The following DOCK2 variants were observed in gnomAD, a reference collection of about 807,000 sequenced individuals.
The protein encoded by DOCK2 is dedicator of cytokinesis protein 2.
DOCK2 carries 87 observed loss-of-function variants against 248.9 expected under a neutral mutation model. The ratio of observed to expected loss-of-function variants is 0.35; its 90% confidence interval spans 0.29 to 0.42. DOCK2 has a LOEUF of 0.42. Ranked by LOEUF, DOCK2 falls within the 10% of genes least tolerant of loss-of-function variation. The pLI, the probability that DOCK2 is intolerant of heterozygous loss-of-function variation, is 1.00. For synonymous variants in DOCK2, 805 were observed against 821.6 expected (o/e 0.98, Z 0.35); for missense variants, 1,747 against 2,300.2 (o/e 0.76, Z 4.92).
At chr5:169,927,093 G>A (rs891260807) in intron 27 of DOCK2, among the ~76,000 whole-genome samples, 2 of 152,216 alleles carry the variant, frequency 1.3e-5, no homozygotes, top group Non-Finnish European at 2.9e-5. Flanking sequence ...TACATGAAGA[G>A]TGGGAAGAGC....
intron 26 of DOCK2, among the ~76,000 whole-genome samples, chr5:169,837,049 C>T (rs529782193): frequency 1.9e-4 from 29 of 152,230 alleles, no homozygotes; most frequent in Non-Finnish European, 2.8e-4. Context: ...CCCTTAGCCC[C>T]GACCCTGCCT....
At chr5:169,934,477 G>A (rs185425005) in intron 27 of DOCK2, among the ~76,000 whole-genome samples, 1 of 152,282 alleles carries the variant, frequency 6.6e-6, no homozygotes, top group East Asian at 1.9e-4. Context: ...GTAGTAAGAG[G>A]TGCATGCACA....
At chr5:169,940,159 T>G (rs2113703556) in intron 27 of DOCK2, among the ~76,000 whole-genome samples, 1 of 152,314 alleles carries the variant, frequency 6.6e-6, no homozygotes, top group South Asian at 2.1e-4. Flanking sequence ...TTTCTGTGTG[T>G]GTATTCTACA....
At chr5:169,997,971 T>A in intron 30 of DOCK2, 1 of 456,356 alleles carries the variant, frequency 2.2e-6, no homozygotes, top group Non-Finnish European at 4.4e-6. Flanking sequence ...TTCTACTTCA[T>A]AGGGTTTTTC....
In DOCK2 at chr5:169,654,504, G is replaced by A. The variant is rs776439216; in HGVS notation, c.127+18G>A. The stretch of plus-strand genomic sequence containing the variant: ...GTGTGGAGGTGAGTCACTGGCCCAC[G>A]CCCCAAGTGCTGGACCCTTGGCTGA... On this transcript the variant is annotated intron_variant, in intron 2 of 51. Transcript: ENST00000520908. The A allele has an allele frequency of 9.3e-6, 15 of 1,613,800 alleles. No homozygotes were observed. The highest frequency in any genetic ancestry group is 2.2e-5 in the East Asian group (1 of 44,882).
intron 27 of DOCK2, among the ~76,000 whole-genome samples, chr5:169,935,943 C>T (rs1355676593): frequency 6.6e-6 from 1 of 152,200 alleles, no homozygotes; most frequent in East Asian, 1.9e-4. Context: ...AGTTTCCTGT[C>T]TCTAACCACA....
intron 27 of DOCK2, chr5:169,882,640 T>A: frequency 6.4e-7 from 1 of 1,552,036 alleles, no homozygotes; most frequent in Non-Finnish European, 8.7e-7. Context: ...CAGAGATTCC[T>A]CCACAGATTG....
intron 25 of DOCK2, among the ~76,000 whole-genome samples, chr5:169,793,842 T>C (rs913264908): frequency 4.6e-5 from 7 of 152,096 alleles, no homozygotes; most frequent in African/African-American, 9.7e-5. Flanking sequence ...CCAGAGCCTT[T>C]CCATGCCCTT....
At chr5:169,738,046 G>A (rs2113653491) in intron 22 of DOCK2, among the ~76,000 whole-genome samples, 1 of 152,304 alleles carries the variant, frequency 6.6e-6, no homozygotes, top group South Asian at 2.1e-4. Flanking sequence ...TCTCCAGGTA[G>A]ATAATGTTGG....
At chr5:169,747,532 C>A in intron 23 of DOCK2, 28 bp downstream of exon 23, 1 of 1,578,018 alleles carries the variant, frequency 6.3e-7, no homozygotes, top group Admixed American at 1.7e-5. Context: ...TAAAATCTAT[C>A]TTCTCCTTGG....
intron 30 of DOCK2, among the ~76,000 whole-genome samples, chr5:170,004,580 T>A (rs1316972968): frequency 2.6e-5 from 4 of 151,484 alleles, no homozygotes; most frequent in African/African-American, 9.7e-5. Flanking sequence ...TATACCCAAA[T>A]GACTATAAAT....
intron 27 of DOCK2, among the ~76,000 whole-genome samples, chr5:169,860,381 T>C (rs1424587917): frequency 6.6e-6 from 1 of 152,196 alleles, no homozygotes; most frequent in Non-Finnish European, 1.5e-5. Flanking sequence ...TATGTGCTTG[T>C]TGAGCACCTG....
intron 22 of DOCK2, among the ~76,000 whole-genome samples, chr5:169,739,363 C>T (rs1430968513): frequency 2.0e-5 from 3 of 152,254 alleles, no homozygotes; most frequent in East Asian, 3.9e-4. Flanking sequence ...TTCTCCAGCC[C>T]CAGCCTTATT....
intron 27 of DOCK2, among the ~76,000 whole-genome samples, chr5:169,960,082 C>T (rs886173076): frequency 7.2e-5 from 11 of 152,128 alleles, no homozygotes; most frequent in Non-Finnish European, 1.0e-4. Context: ...GATGAGGGAA[C>T]GGTCAGGTTG....
In DOCK2 at chr5:170,045,603, C is replaced by T. The variant is rs1756678404; in HGVS notation, c.3877-213C>T. ...AAGGGTTTAGCCTCATCTGTGCCTACTCAATTGTTTATCAAGAAACTCCGG... is the reference window on the plus strand; with the variant it reads ...AAGGGTTTAGCCTCATCTGTGCCTATTCAATTGTTTATCAAGAAACTCCGG... On this transcript the variant is annotated intron_variant, in intron 38 of 51. Coordinates refer to ENST00000520908, the MANE Select transcript of DOCK2 (RefSeq NM_004946.3). Among the ~76,000 whole-genome samples the T allele has an allele frequency of 2.0e-5, 3 of 152,188 alleles. No individual in the cohort carries two copies. In the South Asian group the frequency reaches 6.2e-4, roughly 31 times the overall value.
chr5:170,061,502 G>A (rs1757326236), intron 44 of DOCK2, among the ~76,000 whole-genome samples: 2 of 152,220 alleles, frequency 1.3e-5, no homozygotes, highest in East Asian at 1.9e-4. Context: ...TCATTATCAT[G>A]ATCATTACTT....
In DOCK2 at chr5:170,045,847, A is replaced by T. The variant is rs1561896028; in HGVS notation, c.3908A>T (p.Glu1303Val). Residue 1303 changes from glutamate (E) to valine (V), a missense_variant, in exon 39 of 52, where the codon GAG becomes GTG. Glu to Val is a moderately radical substitution (Grantham distance 121). This residue lies in a region of DOCK2 where 858 missense variants were observed against 1,183.5 expected (regional missense o/e 0.72). Transcript: ENST00000520908. Reference protein sequence around the residue: ...MWEEAISLCKELAEQYEMEIF... With the variant: ...MWEEAISLCKVLAEQYEMEIF... ...GAAGAGGCCATAAGTCTGTGCAAGGAGCTGGCGGAACAGTACGAGATGGAG... is the reference window on the plus strand; with the variant it reads ...GAAGAGGCCATAAGTCTGTGCAAGGTGCTGGCGGAACAGTACGAGATGGAG... 1 of 1,614,156 alleles carries T rather than the reference A, an allele frequency of 6.2e-7. No homozygotes were observed. Among genetic ancestry groups the T allele is most frequent in the Non-Finnish European group, 8.5e-7 (1 of 1,180,022 alleles).
intron 25 of DOCK2, among the ~76,000 whole-genome samples, chr5:169,766,363 G>A (rs1397636645): frequency 6.6e-6 from 1 of 152,232 alleles, no homozygotes; most frequent in African/African-American, 2.4e-5. Flanking sequence ...TAGAATAATG[G>A]CCTCTGGCTT....
At chr5:169,960,555 A>G (rs1777040998) in intron 27 of DOCK2, among the ~76,000 whole-genome samples, 2 of 152,216 alleles carry the variant, frequency 1.3e-5, no homozygotes, top group South Asian at 4.1e-4. Flanking sequence ...ATAGGTTTTC[A>G]AGGTGGATTG....
Sources: allele counts gnomAD v4.1 joint callset (sites outside exome capture counted in the v4.1 genomes callset), GRCh38; gene constraint gnomAD v4.1.1; regional missense constraint gnomAD v4.1.1; transcripts MANE v1.5; gene names NCBI Gene and HGNC (gene_info 2026-07-23, HGNC 2026-07-21).